The following PARD3B variants were observed in gnomAD, a reference collection of about 807,000 sequenced individuals.
PARD3B encodes the protein partitioning defective 3 homolog B.
A neutral mutation model predicts 130.2 loss-of-function variants in PARD3B; 103 were observed. The observed-to-expected ratio is 0.79, with a 90% CI of 0.67 to 0.93. PARD3B has a LOEUF of 0.93. PARD3B is among the 40% of genes least tolerant of loss of function. The probability of loss-of-function intolerance (pLI) is 0.00; values close to 1 mark genes in which losing one functional copy is unlikely to be tolerated. For synonymous variants in PARD3B, 583 were observed against 553.2 expected (o/e 1.05, Z -0.76); for missense variants, 1,609 against 1,499.2 (o/e 1.07, Z -1.21).
chr2:205,094,404 G>A (rs1391307188), intron 4 of PARD3B, among the ~76,000 whole-genome samples: 3 of 152,120 alleles, frequency 2.0e-5, no homozygotes, highest in Non-Finnish European at 4.4e-5. Flanking sequence ...TTTTCAAGAA[G>A]TCCTTGAACT....
intron 22 of PARD3B, among the ~76,000 whole-genome samples, chr2:205,581,929 G>T (rs1165740684): frequency 6.6e-6 from 1 of 152,134 alleles, no homozygotes; most frequent in African/African-American, 2.4e-5. Flanking sequence ...CAGCAGCTTG[G>T]TTCCCTTGGT....
At chr2:205,502,806 T>C (rs2050204540) in intron 21 of PARD3B, among the ~76,000 whole-genome samples, 1 of 152,064 alleles carries the variant, frequency 6.6e-6, no homozygotes, top group African/African-American at 2.4e-5. Flanking sequence ...TTTTAAAATA[T>C]ATATATAAAT....
intron 2 of PARD3B, among the ~76,000 whole-genome samples, chr2:204,823,692 C>A (rs920688351): frequency 1.2e-4 from 18 of 152,244 alleles, no homozygotes; most frequent in Admixed American, 2.0e-4. Context: ...GTAATCCCAG[C>A]ACTTTGGAAG....
intron 3 of PARD3B, among the ~76,000 whole-genome samples, chr2:205,020,679 A>G (rs997028321): frequency 6.6e-6 from 1 of 152,142 alleles, no homozygotes; most frequent in African/African-American, 2.4e-5. Flanking sequence ...TGTTATATGT[A>G]GGAAAATTAT....
At chr2:204,699,018 A>G (rs1255134136) in intron 2 of PARD3B, among the ~76,000 whole-genome samples, 2 of 152,166 alleles carry the variant, frequency 1.3e-5, no homozygotes, top group Non-Finnish European at 2.9e-5. Context: ...ATCCAATGGC[A>G]TGAGATCATA....
chr2:205,441,021 A>G (rs1268261560), intron 20 of PARD3B, among the ~76,000 whole-genome samples: 7 of 152,232 alleles, frequency 4.6e-5, no homozygotes, highest in Non-Finnish European at 1.5e-5. Context: ...GGAAGATGGC[A>G]TGGCACATGG....
intron 11 of PARD3B, among the ~76,000 whole-genome samples, chr2:205,168,560 G>C (rs539127366): frequency 1.8e-4 from 27 of 152,020 alleles, no homozygotes; most frequent in African/African-American, 6.0e-4. Context: ...GATTTGATGA[G>C]TTTTTGAATA....
In PARD3B at chr2:205,397,236, T is replaced by G. The variant is rs2046065014; in HGVS notation, c.2631-3777T>G. The stretch of plus-strand genomic sequence containing the variant: ...AAACTTTACAAAATAAGGTAATTTG[T>G]AATCATTTTCTCTGGCTAATAAAAT... On this transcript the variant is annotated intron_variant, in intron 18 of 22. Transcript: ENST00000406610. This position sits in a 1 kb window ranked among gnomAD's most constrained non-coding sequence, Gnocchi z 4.8. Among the ~76,000 whole-genome samples the G allele has an allele frequency of 6.6e-6, 1 of 152,244 alleles. No individual in the cohort carries two copies. Among genetic ancestry groups the G allele is most frequent in the Non-Finnish European group, 1.5e-5 (1 of 68,038 alleles).
intron 1 of PARD3B, among the ~76,000 whole-genome samples, chr2:204,680,678 T>G (rs2036784901): frequency 6.6e-6 from 1 of 152,140 alleles, no homozygotes; most frequent in Admixed American, 6.6e-5. Flanking sequence ...CTGATTTACC[T>G]GCATTCCACA....
At chr2:205,020,344 G>A (rs1696500968) in intron 3 of PARD3B, among the ~76,000 whole-genome samples, 1 of 152,130 alleles carries the variant, frequency 6.6e-6, no homozygotes, top group East Asian at 1.9e-4. Context: ...TTTTATATGT[G>A]GTTTCAAGTA....
chr2:205,226,262 C>T (rs757469167), intron 15 of PARD3B, among the ~76,000 whole-genome samples: 7 of 152,156 alleles, frequency 4.6e-5, no homozygotes, highest in Non-Finnish European at 8.8e-5. Flanking sequence ...AGGATGGTCT[C>T]GATCTCCTGA....
chr2:205,171,664 G>A (rs1009092400), intron 11 of PARD3B, among the ~76,000 whole-genome samples: 4 of 152,112 alleles, frequency 2.6e-5, no homozygotes, highest in East Asian at 3.9e-4. Context: ...TTTGGCAGAC[G>A]AGCAACTTTG....
At chr2:204,749,434 C>A (rs914987822) in intron 2 of PARD3B, among the ~76,000 whole-genome samples, 17 of 152,044 alleles carry the variant, frequency 1.1e-4, no homozygotes. Context: ...ATATTAGTAA[C>A]TCAAATATTT....
chr2:205,512,159 T>G (rs758060365), intron 21 of PARD3B, among the ~76,000 whole-genome samples: 36 of 152,166 alleles, frequency 2.4e-4, no homozygotes, highest in Non-Finnish European at 4.0e-4. Context: ...TAACGACACA[T>G]ACTAACGTCT....
chr2:205,072,346 G>A (rs1700791810), intron 4 of PARD3B, among the ~76,000 whole-genome samples: 1 of 151,744 alleles, frequency 6.6e-6, no homozygotes, highest in Non-Finnish European at 1.5e-5. Context: ...GCCCCCCTGG[G>A]TTCAAGCGAT....
intron 16 of PARD3B, among the ~76,000 whole-genome samples, chr2:205,284,893 G>T (rs925721675): frequency 1.3e-5 from 2 of 151,710 alleles, no homozygotes; most frequent in Admixed American, 1.3e-4. Context: ...GTTTAATGAT[G>T]CATCACAAGC....
intron 2 of PARD3B, among the ~76,000 whole-genome samples, chr2:204,920,886 G>A (rs1023567994): frequency 2.0e-5 from 3 of 152,130 alleles, no homozygotes; most frequent in Non-Finnish European, 2.9e-5. Flanking sequence ...GATGCAATTT[G>A]GTGCTAATCA....
chr2:205,163,395 T>C (rs1041923141), intron 11 of PARD3B, among the ~76,000 whole-genome samples: 5 of 152,206 alleles, frequency 3.3e-5, no homozygotes, highest in African/African-American at 1.2e-4. Flanking sequence ...GAAAGAAAAA[T>C]GCCTGACATG....
In PARD3B at chr2:205,473,152, C is replaced by T. The variant is rs2048898913; in HGVS notation, c.3045-26744C>T. ...ATAATAGTTTTCCCACTATCCAGTC[C>T]CCATATTGTCTTCCACCATAAACAT... On this transcript the variant is annotated intron_variant, in intron 20 of 22. Transcript: ENST00000406610. This position sits in a 1 kb window ranked among gnomAD's most constrained non-coding sequence, Gnocchi z 4.9. Among the ~76,000 whole-genome samples, 1 of 152,018 alleles carries T rather than the reference C, an allele frequency of 6.6e-6. No homozygotes were observed. The highest frequency in any genetic ancestry group is 2.4e-5 in the African/African-American group (1 of 41,406).
Sources: gnomAD v4.1 joint callset for allele counts (sites outside exome capture counted in the v4.1 genomes callset) on GRCh38, gnomAD v4.1.1 for gene constraint, Gnocchi (gnomAD v3.1) non-coding constraint, MANE v1.5 for transcripts, NCBI Gene and HGNC (gene_info 2026-07-23, HGNC 2026-07-21) for gene names.